The following C12orf42 variants were observed in gnomAD, a reference collection of about 807,000 sequenced individuals.
C12orf42 encodes chromosome 12 open reading frame 42.
Under a neutral mutation model 21.6 loss-of-function variants are expected in C12orf42, and 25 were observed. That is an observed-to-expected ratio of 1.16 (90% CI 0.84 to 1.62). C12orf42 has a LOEUF of 1.62. Ranked by LOEUF, C12orf42 falls within the 40% of genes most tolerant of loss-of-function variation. C12orf42 has a pLI of 0.00. For synonymous variants in C12orf42, 174 were observed against 175.0 expected, an observed-to-expected ratio of 0.99 and a Z score of 0.05; for missense variants, 483 against 459.3, an observed-to-expected ratio of 1.05 and a Z score of -0.47.
intron 4 of C12orf42, among the ~76,000 whole-genome samples, chr12:103,359,849 G>C (rs970550718): frequency 2.0e-5 from 3 of 151,914 alleles, no homozygotes; most frequent in African/African-American, 7.2e-5. Context: ...TGTTTAACAG[G>C]TGATCGATTT....
chr12:103,197,463 GT>G, the C12orf42 span, among the ~76,000 whole-genome samples: 1 of 152,114 alleles, frequency 6.6e-6, no homozygotes, highest in African/African-American at 2.4e-5. Context: ...ATCTTGTATT[GT>G]TTTAATACAT....
chr12:103,422,729 G>A (rs1395189298), intron 2 of C12orf42, among the ~76,000 whole-genome samples: 1 of 151,752 alleles, frequency 6.6e-6, no homozygotes, highest in Admixed American at 6.6e-5. Context: ...GGTATCTGGT[G>A]GTAGAAAACC....
chr12:103,211,242 T>G, the C12orf42 span, among the ~76,000 whole-genome samples: 28 of 152,366 alleles, frequency 1.8e-4, no homozygotes, highest in African/African-American at 6.5e-4. Flanking sequence ...CTTTAAAAAC[T>G]AATGCAACCT....
At chr12:103,219,276 CTT>C in the C12orf42 span, among the ~76,000 whole-genome samples, 1 of 152,156 alleles carries the variant, frequency 6.6e-6, no homozygotes. Context: ...GGATTAAAGA[CTT>C]AAACATAAGA....
At chr12:103,261,866 AGAAGAT>A (rs1478490032) in intron 10 of C12orf42, among the ~76,000 whole-genome samples, 1 of 152,188 alleles carries the variant, frequency 6.6e-6, no homozygotes, top group Non-Finnish European at 1.5e-5. Context: ...TTAATTTTAG[AGAAGAT>A]GAAGAAATTT....
chr12:103,482,581 T>C (rs747338830), intron 1 of C12orf42, among the ~76,000 whole-genome samples: 13 of 152,150 alleles, frequency 8.5e-5, no homozygotes, highest in African/African-American at 1.2e-4. Context: ...AATCTAGATG[T>C]GAATTGTTTT....
intron 2 of C12orf42, among the ~76,000 whole-genome samples, chr12:103,434,485 G>T (rs1244809222): frequency 6.6e-6 from 1 of 152,206 alleles, no homozygotes; most frequent in Non-Finnish European, 1.5e-5. Context: ...TTCCATTTGA[G>T]GTACCGGGTT....
chr12:103,379,198 A>G (rs2045954113), intron 3 of C12orf42, among the ~76,000 whole-genome samples: 2 of 152,228 alleles, frequency 1.3e-5, no homozygotes, highest in African/African-American at 4.8e-5. Flanking sequence ...ATCTCCACTT[A>G]GTTATTAATT....
intron 4 of C12orf42, among the ~76,000 whole-genome samples, chr12:103,322,106 CGT>C (rs1318433075): frequency 7.8e-5 from 10 of 127,420 alleles, no homozygotes; most frequent in African/African-American, 2.9e-4. Flanking sequence ...TGTGCACGCG[CGT>C]GCGTGCGCGC....
chr12:103,325,131 C>T (rs1197646559), intron 4 of C12orf42, among the ~76,000 whole-genome samples: 1 of 152,148 alleles, frequency 6.6e-6, no homozygotes, highest in Non-Finnish European at 1.5e-5. Context: ...GACAAATATG[C>T]ATGAAAATTA....
At chr12:103,332,080 G>T (rs979446303) in intron 4 of C12orf42, among the ~76,000 whole-genome samples, 2 of 152,108 alleles carry the variant, frequency 1.3e-5, no homozygotes, top group African/African-American at 4.8e-5. Flanking sequence ...TGAGCAAAGG[G>T]AAGTATAAAG....
the C12orf42 span, among the ~76,000 whole-genome samples, chr12:103,540,054 G>C: frequency 6.6e-6 from 1 of 151,032 alleles, no homozygotes; most frequent in African/African-American, 2.4e-5. Context: ...TTGTCACCCA[G>C]GCTGCAGTGC....
the C12orf42 span, among the ~76,000 whole-genome samples, chr12:103,095,366 G>A: frequency 6.6e-6 from 1 of 152,146 alleles, no homozygotes; most frequent in Non-Finnish European, 1.5e-5. Context: ...CTCCTTGGTA[G>A]CTCTGATCCC....
At chr12:103,495,605 G>T (rs1298160815) in intron 1 of C12orf42, among the ~76,000 whole-genome samples, 3 of 151,978 alleles carry the variant, frequency 2.0e-5, no homozygotes, top group Non-Finnish European at 1.5e-5. Flanking sequence ...GGGGCAACGG[G>T]GGGCGGGGGA....
At chr12:103,098,301 T>C in the C12orf42 span, among the ~76,000 whole-genome samples, 1 of 152,170 alleles carries the variant, frequency 6.6e-6, no homozygotes, top group Admixed American at 6.5e-5. Context: ...CCTCTAGGCA[T>C]CATTTTTTTA....
the C12orf42 span, among the ~76,000 whole-genome samples, chr12:103,131,628 C>T: frequency 6.6e-6 from 1 of 152,118 alleles, no homozygotes; most frequent in Non-Finnish European, 1.5e-5. Flanking sequence ...CAATAGAAAT[C>T]AACAAGAAAC....
chr12:103,154,238 C>CT, the C12orf42 span, among the ~76,000 whole-genome samples: 19 of 152,178 alleles, frequency 1.2e-4, no homozygotes, highest in African/African-American at 3.9e-4. Context: ...TGAATGCTCC[C>CT]TTTCTTAATT....
At chr12:103,167,636 T>C in the C12orf42 span, among the ~76,000 whole-genome samples, 3 of 152,184 alleles carry the variant, frequency 2.0e-5, no homozygotes, top group East Asian at 5.8e-4. Flanking sequence ...CAAAATCTCC[T>C]CTTGCATTTC....
intron 4 of C12orf42, among the ~76,000 whole-genome samples, chr12:103,341,828 T>C (rs1224044738): frequency 2.0e-5 from 3 of 152,084 alleles, no homozygotes; most frequent in Non-Finnish European, 4.4e-5. Context: ...AAATCTTGAG[T>C]GGCTTATATT....
Sources: allele counts gnomAD v4.1 joint callset (sites outside exome capture counted in the v4.1 genomes callset), GRCh38; gene constraint gnomAD v4.1.1; transcripts MANE v1.5; gene names NCBI Gene and HGNC (gene_info 2026-07-23, HGNC 2026-07-21).